The following APBA1 variants were observed in gnomAD, a reference collection of about 807,000 sequenced individuals.
APBA1 encodes the protein amyloid beta precursor protein binding family A member 1.
In APBA1, 55 loss-of-function variants were observed where a neutral mutation model predicts 86.6. The observed-to-expected ratio is 0.64, with a 90% CI of 0.51 to 0.80. APBA1 has a LOEUF of 0.80. Ranked by LOEUF, APBA1 falls within the 30% of genes least tolerant of loss-of-function variation. The pLI is 0.00. For synonymous variants in APBA1, 511 were observed against 493.9 expected, an observed-to-expected ratio of 1.03 and a Z score of -0.46; for missense variants, 1,090 against 1,183.0, an observed-to-expected ratio of 0.92 and a Z score of 1.15.
intron 1 of APBA1, among the ~76,000 whole-genome samples, chr9:69,642,943 AC>A (rs1170343525): frequency 1.3e-5 from 2 of 151,520 alleles, no homozygotes; most frequent in Non-Finnish European, 2.9e-5. Context: ...AATCACACGA[AC>A]CAATTCCTTC....
chr9:69,490,279 A>T (rs1056288802), intron 2 of APBA1, among the ~76,000 whole-genome samples: 25 of 151,786 alleles, frequency 1.6e-4, no homozygotes, highest in Non-Finnish European at 2.9e-4. Context: ...AACAATGAGA[A>T]CACATGGACA....
intron 11 of APBA1, among the ~76,000 whole-genome samples, chr9:69,440,652 A>G (rs1834802609): frequency 6.6e-6 from 1 of 152,104 alleles, no homozygotes; most frequent in African/African-American, 2.4e-5. Context: ...TTAGGGTGGG[A>G]GTGACCCGAT....
At chr9:69,631,010 C>T (rs1263201015) in intron 1 of APBA1, among the ~76,000 whole-genome samples, 2 of 152,178 alleles carry the variant, frequency 1.3e-5, no homozygotes, top group South Asian at 4.2e-4. Flanking sequence ...ACTCAGTCTT[C>T]TCACCTGTAA....
At chr9:69,636,824 AGAGAGAGGGAGGGAGG>A (rs1325148780) in intron 1 of APBA1, among the ~76,000 whole-genome samples, 12,095 of 40,380 alleles carry the variant, frequency 0.3, 2,400 homozygotes, top group East Asian at 0.37. Context: ...AGAGAGAGAG[AGAGAGAGGGAGGGAGG>A]GAGGGAGGGA....
At position 69,654,195 on chromosome 9, in the gene APBA1, G is replaced by A. The variant is rs1273224829; in HGVS notation, c.-70+17958C>T. ...AAGTAGAAAGATCTCAAATAAGCAA[G>A]CCACCTCAAGGAACTAGAAAAATAG... On this transcript the variant is annotated intron_variant, in intron 1 of 12. Transcript: ENST00000265381. Among the ~76,000 whole-genome samples, 5 of 150,044 alleles carry A rather than the reference G, an allele frequency of 3.3e-5. No individual in the cohort carries two copies. The East Asian group carries it at 9.7e-4, about 29-fold the overall frequency.
At chr9:69,576,524 C>T (rs2133952687) in intron 1 of APBA1, among the ~76,000 whole-genome samples, 1 of 152,230 alleles carries the variant, frequency 6.6e-6, no homozygotes. Context: ...TACTATGCAG[C>T]CATAATAAAG....
At chr9:69,573,161 A>T (rs1179348402) in intron 1 of APBA1, among the ~76,000 whole-genome samples, 2 of 152,186 alleles carry the variant, frequency 1.3e-5, no homozygotes, top group Admixed American at 6.6e-5. Flanking sequence ...CATCTCAAAA[A>T]AAATAAATAA....
At chr9:69,461,708 T>C (rs1309648793) in intron 5 of APBA1, 3 of 152,204 alleles carry the variant, frequency 2.0e-5, no homozygotes, top group Non-Finnish European at 4.4e-5. Context: ...AGTGGCAGAA[T>C]AGAGATTCAA....
intron 2 of APBA1, among the ~76,000 whole-genome samples, chr9:69,486,997 C>T (rs1356218598): frequency 6.6e-6 from 1 of 151,882 alleles, no homozygotes; most frequent in African/African-American, 2.4e-5. Context: ...AGTTACCACT[C>T]TCGCCCCTTG....
intron 2 of APBA1, among the ~76,000 whole-genome samples, chr9:69,477,359 C>T (rs1337656289): frequency 3.3e-5 from 5 of 151,852 alleles, no homozygotes; most frequent in South Asian, 2.1e-4. Context: ...AAAGGGGTGA[C>T]GGACGCACCT....
chr9:69,659,682 A>T (rs1823713001), intron 1 of APBA1, among the ~76,000 whole-genome samples: 1 of 152,228 alleles, frequency 6.6e-6, no homozygotes, highest in South Asian at 2.1e-4. Context: ...GCAGGTTTCA[A>T]ATACCTCACA....
In APBA1 at chr9:69,632,332, C is replaced by T. The variant is rs566313409; in HGVS notation, c.-70+39821G>A. 8.5e-5 allele frequency among the ~76,000 whole-genome samples: 13 copies of T among 152,178 alleles called. No homozygotes were observed. In the South Asian group the frequency reaches 2.7e-3, roughly 32 times the overall value. On this transcript the variant is annotated intron_variant, in intron 1 of 12. Transcript: ENST00000265381. The stretch of plus-strand genomic sequence containing the variant: ...AAATATTAATCATTACTGAATGCTC[C>T]AACTTCCCTCCCCCAAAGGTGTCTT...
At chr9:69,470,601 G>A (rs1418391664) in intron 4 of APBA1, among the ~76,000 whole-genome samples, 1 of 152,200 alleles carries the variant, frequency 6.6e-6, no homozygotes, top group Non-Finnish European at 1.5e-5. Flanking sequence ...CCTGGGCTTT[G>A]AGCCCAAGGG....
intron 1 of APBA1, among the ~76,000 whole-genome samples, chr9:69,540,430 C>T (rs1588350459): frequency 6.6e-6 from 1 of 152,142 alleles, no homozygotes; most frequent in East Asian, 1.9e-4. Context: ...CAATAGAGTA[C>T]AGTATTGCTA....
intron 1 of APBA1, among the ~76,000 whole-genome samples, chr9:69,611,285 G>GATAAAAAAAAAAA (rs1822581255): frequency 8.9e-6 from 1 of 111,912 alleles, no homozygotes; most frequent in Non-Finnish European, 1.8e-5. Context: ...ACCAGAAAAG[G>GATAAAAAAAAAAA]AAAAAAAAAA....
chr9:69,658,297 TC>T (rs879719820), intron 1 of APBA1, among the ~76,000 whole-genome samples: 1,343 of 71,498 alleles, frequency 0.019, 67 homozygotes, highest in Middle Eastern at 0.039. Flanking sequence ...TCTCTCTTTC[TC>T]TCTCTCTCTT....
At chr9:69,612,593 T>A (rs1052689767) in intron 1 of APBA1, among the ~76,000 whole-genome samples, 4 of 152,036 alleles carry the variant, frequency 2.6e-5, no homozygotes, top group Admixed American at 2.0e-4. Flanking sequence ...CTTTAAAATA[T>A]TGATGAGGTG....
chr9:69,591,581 C>T (rs766652105), intron 1 of APBA1, among the ~76,000 whole-genome samples: 1 of 152,164 alleles, frequency 6.6e-6, no homozygotes, highest in Non-Finnish European at 1.5e-5. Context: ...GATGGCAGGG[C>T]ACGAATCCTT....
intron 1 of APBA1, among the ~76,000 whole-genome samples, chr9:69,645,688 C>T (rs948917105): frequency 2.6e-5 from 4 of 152,142 alleles, no homozygotes; most frequent in Non-Finnish European, 5.9e-5. Flanking sequence ...AGAAGGGTGG[C>T]CTTGTAGCTG....
Sources: allele counts gnomAD v4.1 joint callset (sites outside exome capture counted in the v4.1 genomes callset), GRCh38; gene constraint gnomAD v4.1.1; transcripts MANE v1.5; gene names NCBI Gene and HGNC (gene_info 2026-07-23, HGNC 2026-07-21).